UGP2: variants seen among roughly 807,000 people sequenced by gnomAD.
UGP2 encodes the protein UTP--glucose-1-phosphate uridylyltransferase.
Under a neutral mutation model 49.0 loss-of-function variants are expected in UGP2, and 40 were observed. The ratio of observed to expected loss-of-function variants is 0.82; its 90% CI spans 0.63 to 1.06. The LOEUF is 1.06. Ranked by LOEUF, UGP2 falls within the 50% of genes least tolerant of loss-of-function variation. UGP2 has a pLI of 0.00. For synonymous variants in UGP2, 225 were observed against 213.0 expected (o/e 1.06, Z -0.49); for missense variants, 460 against 603.5 (o/e 0.76, Z 2.49).
Position 63,842,452 on chromosome 2 carries a change from C to T in UGP2, c.19+248C>T, listed in dbSNP as rs780449016. Reference sequence around the variant, plus strand: ...CCTGAAATCAGGTTAGTAGTACCGTCGCTTTCCTGGATAGTGGCTGTAAGT... The same window carrying T: ...CCTGAAATCAGGTTAGTAGTACCGTTGCTTTCCTGGATAGTGGCTGTAAGT... On this transcript the variant is annotated intron_variant, in intron 1 of 9. Transcript: ENST00000337130. 4.5e-6 allele frequency: 7 copies of T among 1,547,020 alleles called. No homozygotes were observed. The Admixed American group carries it at 1.2e-4, about 26-fold the overall frequency.
intron 1 of UGP2, chr2:63,842,464 T>C: frequency 1.3e-6 from 2 of 1,541,836 alleles, no homozygotes; most frequent in Non-Finnish European, 1.7e-6. Context: ...CTTTCCTGGA[T>C]AGTGGCTGTA....
At chr2:63,843,858 G>A (rs1040711005) in intron 1 of UGP2, among the ~76,000 whole-genome samples, 1 of 152,144 alleles carries the variant, frequency 6.6e-6, no homozygotes, top group Non-Finnish European at 1.5e-5. Context: ...ATTGCACTTA[G>A]TTGCCAGCCA....
chr2:63,855,520 G>GTTTTTTTTT (rs372160888), intron 1 of UGP2: 144 of 194,256 alleles, frequency 7.4e-4, no homozygotes, highest in Middle Eastern at 2.3e-3. Context: ...TTCTTTTTCT[G>GTTTTTTTTT]TTTTTTTTTT....
At chr2:63,867,817 G>A (rs1670280069) in intron 3 of UGP2, among the ~76,000 whole-genome samples, 1 of 152,120 alleles carries the variant, frequency 6.6e-6, no homozygotes, top group African/African-American at 2.4e-5. Flanking sequence ...TTTATCAAAT[G>A]TGTTGTTAGT....
At chr2:63,850,980 A>G (rs1181661323) in intron 1 of UGP2, among the ~76,000 whole-genome samples, 2 of 152,332 alleles carry the variant, frequency 1.3e-5, no homozygotes, top group East Asian at 1.9e-4. Flanking sequence ...AACATTACAG[A>G]CATATACTTT....
In UGP2 at chr2:63,885,746, G is replaced by A; in HGVS notation, c.733G>A (p.Glu245Lys). ...TGATACCTTTATAGGAGAAGGCAAAGAGTATATTTTTGTGTCTAACATAGA... is the reference window on the plus strand; with the variant it reads ...TGATACCTTTATAGGAGAAGGCAAAAAGTATATTTTTGTGTCTAACATAGA... The part of the protein sequence containing the change: ...LLDTFIGEGK[E>K]YIFVSNIDNL... Residue 245 changes from glutamate to lysine, a missense_variant, in exon 6 of 10, where the codon GAG (glutamate) becomes AAG (lysine). Transcript: ENST00000337130. The A allele has an allele frequency of 6.2e-7, 1 of 1,613,948 alleles. No individual in the cohort carries two copies. The highest frequency in any genetic ancestry group is 8.5e-7 in the Non-Finnish European group (1 of 1,179,970).
intron 3 of UGP2, among the ~76,000 whole-genome samples, chr2:63,865,046 G>GTCTGAAGTACTTTTTTCTGATTTA (rs1670087340): frequency 6.6e-6 from 1 of 152,176 alleles, no homozygotes; most frequent in East Asian, 1.9e-4. Flanking sequence ...ACATCTCCCT[G>GTCTGAAGTACTTTTTTCTGATTTA]TCTGAAGTAC....
chr2:63,846,467 G>T (rs1198338754), intron 1 of UGP2, among the ~76,000 whole-genome samples: 1 of 151,924 alleles, frequency 6.6e-6, no homozygotes, highest in Non-Finnish European at 1.5e-5. Flanking sequence ...TTCTAAATGT[G>T]CCATTATCTA....
chr2:63,886,192 A>T, intron 6 of UGP2, 149 bp from the exon 7 acceptor site: 1 of 864,890 alleles, frequency 1.2e-6, no homozygotes, highest in Non-Finnish European at 1.8e-6. Flanking sequence ...TTTGGCATTT[A>T]AATGTTATTT....
chr2:63,853,790 C>A (rs1260612289), intron 1 of UGP2, among the ~76,000 whole-genome samples: 1 of 151,860 alleles, frequency 6.6e-6, no homozygotes, highest in African/African-American at 2.4e-5. Flanking sequence ...TTTTTTGGCT[C>A]CAGCTGGATA....
chr2:63,860,626 G>A (rs1669770322), intron 3 of UGP2, among the ~76,000 whole-genome samples: 1 of 151,840 alleles, frequency 6.6e-6, no homozygotes, highest in African/African-American at 2.4e-5. Context: ...ATGAGGTCTT[G>A]TTCTGTCACT....
intron 3 of UGP2, among the ~76,000 whole-genome samples, chr2:63,874,579 T>G (rs1670782628): frequency 2.0e-5 from 3 of 152,200 alleles, no homozygotes; most frequent in African/African-American, 7.2e-5. Context: ...ACTTCAAGGT[T>G]TAGGGACTGG....
intron 3 of UGP2, among the ~76,000 whole-genome samples, chr2:63,860,443 G>T (rs974788219): frequency 6.6e-6 from 1 of 152,158 alleles, no homozygotes; most frequent in Non-Finnish European, 1.5e-5. Flanking sequence ...AACAAAACCT[G>T]AAATACTTAT....
intron 3 of UGP2, among the ~76,000 whole-genome samples, chr2:63,880,649 C>CA (rs1300460004): frequency 6.6e-6 from 1 of 152,182 alleles, no homozygotes; most frequent in Non-Finnish European, 1.5e-5. Context: ...AAATGATGGT[C>CA]ATGGCAGTAG....
intron 3 of UGP2, among the ~76,000 whole-genome samples, chr2:63,862,537 A>G (rs1350421891): frequency 1.3e-5 from 2 of 152,158 alleles, no homozygotes; most frequent in Admixed American, 6.5e-5. Context: ...TTACATGTCT[A>G]TAATTTCACT....
intron 5 of UGP2, among the ~76,000 whole-genome samples, chr2:63,884,993 C>CTTT (rs528966512): frequency 0.071 from 1,633 of 23,036 alleles, 274 homozygotes; most frequent in Non-Finnish European, 0.1. Context: ...CCCATGGTTA[C>CTTT]TTTTTTTTTT....
intron 1 of UGP2, among the ~76,000 whole-genome samples, chr2:63,843,258 G>A (rs1041520387): frequency 4.6e-5 from 7 of 152,152 alleles, no homozygotes; most frequent in East Asian, 3.8e-4. Context: ...TGTTATTATC[G>A]AAACAGATCG....
At chr2:63,883,574 G>A (rs772102474) in intron 4 of UGP2, among the ~76,000 whole-genome samples, 3 of 152,118 alleles carry the variant, frequency 2.0e-5, no homozygotes, top group Non-Finnish European at 4.4e-5. Flanking sequence ...GAGTAAATGC[G>A]TAATCAGCAC....
At chr2:63,886,888 T>C (rs981691517) in intron 7 of UGP2, among the ~76,000 whole-genome samples, 15 of 152,204 alleles carry the variant, frequency 9.9e-5, no homozygotes, top group African/African-American at 3.1e-4. Flanking sequence ...TGAAATGATA[T>C]TACTGAACAG....
Sources: allele counts gnomAD v4.1 joint callset (sites outside exome capture counted in the v4.1 genomes callset), GRCh38; gene constraint gnomAD v4.1.1; transcripts MANE v1.5; gene names NCBI Gene and HGNC (gene_info 2026-07-23, HGNC 2026-07-21).